The following TRDN variants were observed in gnomAD, a reference collection of about 807,000 sequenced individuals.
TRDN encodes triadin in skeletal muscle.
Under a neutral mutation model 149.7 loss-of-function variants are expected in TRDN, and 161 were observed. That is an observed-to-expected ratio of 1.08 (90% confidence interval 0.95 to 1.23). The LOEUF is 1.23. Ranked by LOEUF, TRDN falls within the 50% of genes most tolerant of loss-of-function variation. The pLI, the probability that TRDN is intolerant of heterozygous loss-of-function variation, is 0.00. For missense variants in TRDN, 896 were observed against 823.5 expected, an observed-to-expected ratio of 1.09 and a Z score of -1.08; for synonymous variants, 294 against 250.5, an observed-to-expected ratio of 1.17 and a Z score of -1.64.
At chr6:123,439,096 G>T in intron 10 of TRDN, 93 bp from the exon 11 acceptor site, 1 of 928,218 alleles carries the variant, frequency 1.1e-6, no homozygotes. Flanking sequence ...AGTCAGTTCT[G>T]CCTCCAGCTA....
At chr6:123,434,639 G>C (rs1774477801) in intron 12 of TRDN, among the ~76,000 whole-genome samples, 1 of 152,048 alleles carries the variant, frequency 6.6e-6, no homozygotes, top group South Asian at 2.1e-4. Flanking sequence ...AGTGTTTCTA[G>C]CACTGAAGTC....
chr6:123,247,054 C>T (rs1039880003), intron 38 of TRDN, among the ~76,000 whole-genome samples: 2 of 152,142 alleles, frequency 1.3e-5, no homozygotes, highest in African/African-American at 2.4e-5. Flanking sequence ...ATTCAACACT[C>T]CTTCATGCTA....
chr6:123,501,168 T>C (rs933825106), intron 8 of TRDN, among the ~76,000 whole-genome samples: 3 of 152,132 alleles, frequency 2.0e-5, no homozygotes, highest in African/African-American at 7.2e-5. Context: ...TATTTCCATA[T>C]ACAATATTGA....
At chr6:123,350,475 A>G in intron 21 of TRDN, 1 of 554,568 alleles carries the variant, frequency 1.8e-6, no homozygotes, top group Non-Finnish European at 2.3e-6. Flanking sequence ...ATGAATTATA[A>G]ACTAATAGAT....
In TRDN at chr6:123,428,487, G is replaced by A. The variant is rs945317080; in HGVS notation, c.1051+9576C>T. Among the ~76,000 whole-genome samples, 37 of 152,256 alleles carry A rather than the reference G, an allele frequency of 2.4e-4. 1 individual carries two copies. Among genetic ancestry groups the A allele is most frequent in the African/African-American group, 8.2e-4 (34 of 41,548 alleles). On this transcript the variant is annotated intron_variant, in intron 12 of 40. Transcript: ENST00000334268. ...GAGGTAAATCTCCTGATGATATTGT[G>A]TGACCTCTGCATCAAGCTAAACTCA... is the stretch of plus-strand genomic sequence containing the variant.
intron 38 of TRDN, among the ~76,000 whole-genome samples, chr6:123,252,015 G>A (rs1173937933): frequency 2.6e-5 from 4 of 151,924 alleles, no homozygotes; most frequent in East Asian, 1.9e-4. Flanking sequence ...TTAGGTTAAC[G>A]AACACTAGAA....
intron 12 of TRDN, among the ~76,000 whole-genome samples, chr6:123,419,869 A>G (rs1043375058): frequency 3.3e-5 from 5 of 152,192 alleles, no homozygotes; most frequent in Admixed American, 6.5e-5. Flanking sequence ...GAGAAAACAG[A>G]TTTCAAGTCC....
chr6:123,434,811 T>G (rs968927702), intron 12 of TRDN, among the ~76,000 whole-genome samples: 3 of 152,084 alleles, frequency 2.0e-5, no homozygotes, highest in African/African-American at 4.8e-5. Flanking sequence ...AGGTATTTAT[T>G]TAATTTTTTG....
chr6:123,334,421 G>A (rs761896736), intron 22 of TRDN, among the ~76,000 whole-genome samples: 1 of 152,004 alleles, frequency 6.6e-6, no homozygotes, highest in Non-Finnish European at 1.5e-5. Context: ...TGCCTCTTTG[G>A]ATTCAGTTTG....
chr6:123,441,570 A>G (rs1774891632), intron 10 of TRDN, among the ~76,000 whole-genome samples: 1 of 152,184 alleles, frequency 6.6e-6, no homozygotes, highest in Non-Finnish European at 1.5e-5. Flanking sequence ...CCCTACAATG[A>G]GCAGCTCTGA....
intron 1 of TRDN, among the ~76,000 whole-genome samples, chr6:123,620,138 T>C (rs1170584428): frequency 6.6e-6 from 1 of 152,224 alleles, no homozygotes; most frequent in Non-Finnish European, 1.5e-5. Context: ...GATTTGGATC[T>C]TTATCCCTAA....
At chr6:123,361,723 C>A (rs1033969705) in intron 20 of TRDN, among the ~76,000 whole-genome samples, 3 of 152,062 alleles carry the variant, frequency 2.0e-5, no homozygotes, top group Non-Finnish European at 4.4e-5. Context: ...ATATTATGTA[C>A]CTGACAAATC....
intron 9 of TRDN, among the ~76,000 whole-genome samples, chr6:123,489,246 C>A (rs58010327): frequency 0.11 from 16,929 of 151,886 alleles, 1,270 homozygotes; most frequent in Non-Finnish European, 0.16. Context: ...TTTGGGAGAA[C>A]ATGTACATAT....
chr6:123,356,992 T>G (rs1780706366), intron 20 of TRDN, among the ~76,000 whole-genome samples: 1 of 151,874 alleles, frequency 6.6e-6, no homozygotes, highest in Non-Finnish European at 1.5e-5. Flanking sequence ...CTTTCATTTA[T>G]TTCTCTTCCT....
At chr6:123,497,005 T>C (rs1426038608) in intron 9 of TRDN, among the ~76,000 whole-genome samples, 188 bp downstream of exon 9, 1 of 152,032 alleles carries the variant, frequency 6.6e-6, no homozygotes, top group African/African-American at 2.4e-5. Flanking sequence ...CAATAGGCCA[T>C]GCAGTGACTG....
chr6:123,349,633 T>C, intron 21 of TRDN: 1 of 920,646 alleles, frequency 1.1e-6, no homozygotes, highest in Non-Finnish European at 1.3e-6. Flanking sequence ...AAATGTAAAA[T>C]TGTTTCTGTC....
At chr6:123,224,278 G>T (rs1775272785) in intron 38 of TRDN, 147 bp from the exon 39 acceptor site, 1 of 676,552 alleles carries the variant, frequency 1.5e-6, no homozygotes, top group Non-Finnish European at 2.5e-6. Flanking sequence ...AGAGCTGTCT[G>T]ACCAAAACAG....
At chr6:123,414,939 T>C (rs1773592087) in intron 12 of TRDN, among the ~76,000 whole-genome samples, 1 of 152,172 alleles carries the variant, frequency 6.6e-6, no homozygotes, top group South Asian at 2.1e-4. Flanking sequence ...AATAATTACA[T>C]GAATAAGAAG....
Position 123,579,355 on chromosome 6 carries a change from T to G in TRDN, c.23-8223A>C, listed in dbSNP as rs183069606. Among the ~76,000 whole-genome samples the G allele has an allele frequency of 2.4e-4, 37 of 152,318 alleles. 1 individual carries two copies. The highest frequency in any genetic ancestry group is 3.4e-3 in the Middle Eastern group (1 of 294). ...ATTGAGAATTTTTAACATAAAGGAA[T>G]GTTGAATTTTATCAGAACCTTTTTC... On this transcript the variant is annotated intron_variant, in intron 1 of 40. Coordinates refer to ENST00000334268, the MANE Select transcript of TRDN (RefSeq NM_006073.4).
Sources: gnomAD v4.1 joint callset for allele counts (sites outside exome capture counted in the v4.1 genomes callset) on GRCh38, gnomAD v4.1.1 for gene constraint, MANE v1.5 for transcripts, NCBI Gene and HGNC (gene_info 2026-07-23, HGNC 2026-07-21) for gene names.